UBA2: variants seen among roughly 807,000 people sequenced by gnomAD.
UBA2 encodes the protein ubiquitin like modifier activating enzyme 2.
UBA2 carries 11 observed loss-of-function variants against 77.2 expected under a neutral mutation model. The observed-to-expected ratio is 0.14, with a 90% CI of 0.09 to 0.24. UBA2 has a LOEUF of 0.24. Ranked by LOEUF, UBA2 falls within the 10% of genes least tolerant of loss-of-function variation. UBA2 has a pLI of 1.00. For synonymous variants in UBA2, 278 were observed against 276.7 expected, an observed-to-expected ratio of 1.00 and a Z score of -0.05; for missense variants, 487 against 781.7, an observed-to-expected ratio of 0.62 and a Z score of 4.50.
intron 14 of UBA2, among the ~76,000 whole-genome samples, chr19:34,461,167 T>C (rs2075627075): frequency 6.6e-6 from 1 of 152,236 alleles, no homozygotes; most frequent in Non-Finnish European, 1.5e-5. Flanking sequence ...GCTCATTTCT[T>C]GAGTTGCTGT....
intron 8 of UBA2, among the ~76,000 whole-genome samples, chr19:34,447,771 T>G (rs1428501205): frequency 6.6e-6 from 1 of 152,230 alleles, no homozygotes; most frequent in Non-Finnish European, 1.5e-5. Context: ...ATAAGTTTCA[T>G]CTAAAGGACT....
At chr19:34,433,932 T>G (rs2075282608) in intron 4 of UBA2, among the ~76,000 whole-genome samples, 1 of 152,156 alleles carries the variant, frequency 6.6e-6, no homozygotes, top group Non-Finnish European at 1.5e-5. Context: ...CACTCCAGCC[T>G]TGGTGACAGA....
In UBA2 at chr19:34,461,852, G is replaced by A. The variant is rs1026653425; in HGVS notation, c.1498+1286G>A. On this transcript the variant is annotated intron_variant, in intron 14 of 16. Transcript: ENST00000246548. Reference sequence around the variant, plus strand: ...TGTACACAGTATGAATCTAAGGAAAGTATATTCAGCTTTGTGAAACGGAGG... The same window carrying A: ...TGTACACAGTATGAATCTAAGGAAAATATATTCAGCTTTGTGAAACGGAGG... Among the ~76,000 whole-genome samples the A allele has an allele frequency of 1.3e-4, 20 of 152,182 alleles. 1 individual carries two copies. Among genetic ancestry groups the A allele is most frequent in the Admixed American group, 3.3e-4 (5 of 15,284 alleles).
intron 12 of UBA2, 163 bp from the exon 13 acceptor site, chr19:34,458,606 C>T (rs2075598569): frequency 3.0e-6 from 1 of 337,782 alleles, no homozygotes; most frequent in East Asian, 5.2e-5. Flanking sequence ...GGTTGAAAAA[C>T]CAGGTTCCTA....
chr19:34,439,903 G>A (rs1459712482), intron 6 of UBA2, among the ~76,000 whole-genome samples: 1 of 151,986 alleles, frequency 6.6e-6, no homozygotes, highest in Non-Finnish European at 1.5e-5. Flanking sequence ...TAGAAGAGGA[G>A]TAAGTGAGAA....
chr19:34,454,063 T>G (rs1335929254), intron 10 of UBA2, among the ~76,000 whole-genome samples, 197 bp from the exon 11 acceptor site: 2 of 152,142 alleles, frequency 1.3e-5, no homozygotes, highest in African/African-American at 4.8e-5. Flanking sequence ...GAGGAGCTGA[T>G]GATGAGACCC....
intron 4 of UBA2, among the ~76,000 whole-genome samples, chr19:34,434,145 C>T (rs1266633791): frequency 3.3e-5 from 5 of 152,148 alleles, no homozygotes; most frequent in Non-Finnish European, 5.9e-5. Context: ...CTTGGGGGGT[C>T]TCACTGTTGC....
intron 15 of UBA2, among the ~76,000 whole-genome samples, chr19:34,464,345 G>A (rs2075664748): frequency 1.3e-5 from 2 of 152,036 alleles, no homozygotes; most frequent in Non-Finnish European, 2.9e-5. Flanking sequence ...ATCACCTGAG[G>A]TCAGGAGTTC....
At chr19:34,457,182 A>G (rs2075576449) in intron 12 of UBA2, among the ~76,000 whole-genome samples, 2 of 85,640 alleles carry the variant, frequency 2.3e-5, no homozygotes, top group Non-Finnish European at 4.3e-5. Flanking sequence ...AAAAAAAAAT[A>G]TATATATATA....
chr19:34,437,004 C>G (rs1008515452), intron 5 of UBA2, among the ~76,000 whole-genome samples: 1 of 152,112 alleles, frequency 6.6e-6, no homozygotes, highest in African/African-American at 2.4e-5. Context: ...TGGCTACCCT[C>G]AAGAAAGCAT....
At chr19:34,441,494 A>G (rs1418423747) in intron 6 of UBA2, among the ~76,000 whole-genome samples, 2 of 152,038 alleles carry the variant, frequency 1.3e-5, no homozygotes, top group Non-Finnish European at 2.9e-5. Flanking sequence ...AATTAAAAAT[A>G]AAAAAACTTC....
Position 34,451,965 on chromosome 19 carries a change from A to G in UBA2, c.872-16A>G, listed in dbSNP as rs552278665. ...TTAATTAGTGAAATTTCTAATATAT[A>G]TATTTTTTTCTTTAGGAGAAGAAAC... On this transcript the variant is annotated splice_polypyrimidine_tract_variant and intron_variant, in intron 9 of 16. Transcript: ENST00000246548. The G allele has an allele frequency of 4.3e-6, 6 of 1,380,306 alleles. No individual in the cohort carries two copies. The highest frequency in any genetic ancestry group is 3.8e-4 in the Middle Eastern group (2 of 5,222). 85.5% of individuals were successfully genotyped at this position (1,380,306 alleles called of 1,614,324 possible). A position where few individuals can be genotyped will look rare whatever the true frequency, so the allele number is the denominator to read the frequency against.
intron 16 of UBA2, among the ~76,000 whole-genome samples, chr19:34,468,047 T>C (rs1024352325): frequency 6.6e-6 from 1 of 152,220 alleles, no homozygotes; most frequent in South Asian, 2.1e-4. Context: ...GTATAGTCCT[T>C]TCCCCTGGAT....
At chr19:34,444,754 C>G (rs2075410251) in intron 7 of UBA2, among the ~76,000 whole-genome samples, 1 of 152,208 alleles carries the variant, frequency 6.6e-6, no homozygotes, top group Admixed American at 6.5e-5. Context: ...CTACAGTGAG[C>G]CGAGATCTTA....
At chr19:34,467,594 G>C (rs2075701436) in intron 16 of UBA2, among the ~76,000 whole-genome samples, 1 of 152,170 alleles carries the variant, frequency 6.6e-6, no homozygotes, top group South Asian at 2.1e-4. Flanking sequence ...GGGCAACACA[G>C]GGAAATCCCA....
At chr19:34,460,039 C>G (rs2075613842) in intron 13 of UBA2, among the ~76,000 whole-genome samples, 1 of 152,154 alleles carries the variant, frequency 6.6e-6, no homozygotes, top group African/African-American at 2.4e-5. Flanking sequence ...TAGGATTTAA[C>G]AGAATATTAT....
In UBA2 at chr19:34,450,959, AAC is replaced by A. The variant is rs543038704; in HGVS notation, c.871+599_871+600del. Among the ~76,000 whole-genome samples, 894 of 152,100 alleles carry A rather than the reference AAC, an allele frequency of 5.9e-3. 6 individuals are homozygous for A. The highest frequency in any genetic ancestry group is 0.02 in the African/African-American group (844 of 41,492). ...TTATCTCTTTAAGATTTAATCTAGA[AAC>A]ACATTTTTAATGTAAAATTTTTTTA... is the stretch of plus-strand genomic sequence containing the variant. On this transcript the variant is annotated intron_variant, in intron 9 of 16. Coordinates refer to ENST00000246548, the MANE Select transcript of UBA2 (RefSeq NM_005499.3).
chr19:34,464,939 G>A (rs1266909697), intron 15 of UBA2, among the ~76,000 whole-genome samples: 2 of 151,976 alleles, frequency 1.3e-5, no homozygotes, highest in South Asian at 2.1e-4. Flanking sequence ...TGGTGGTGGC[G>A]CATGCCTGTA....
chr19:34,437,929 C>T (rs1165972204), intron 5 of UBA2, among the ~76,000 whole-genome samples: 1 of 152,100 alleles, frequency 6.6e-6, no homozygotes, highest in Non-Finnish European at 1.5e-5. Context: ...GTGGGAGATG[C>T]CTGTAATCCC....
Sources: allele counts gnomAD v4.1 joint callset (sites outside exome capture counted in the v4.1 genomes callset), GRCh38; gene constraint gnomAD v4.1.1; transcripts MANE v1.5; gene names NCBI Gene and HGNC (gene_info 2026-07-23, HGNC 2026-07-21).